The following LRP1B variants were observed in gnomAD, a reference collection of about 807,000 sequenced individuals.
LRP1B encodes low-density lipoprotein receptor-related protein 1B.
LRP1B carries 217 observed loss-of-function variants against 556.6 expected under a neutral mutation model. The observed-to-expected ratio is 0.39, with a 90% CI of 0.35 to 0.44. The LOEUF is 0.44. LRP1B is among the 20% of genes least tolerant of loss of function. The pLI, the probability that LRP1B is intolerant of heterozygous loss-of-function variation, is 1.00. For synonymous variants in LRP1B, 2,047 were observed against 1,865.8 expected (o/e 1.10, Z -2.50); for missense variants, 5,053 against 5,620.8 (o/e 0.90, Z 3.23).
intron 66 of LRP1B, among the ~76,000 whole-genome samples, chr2:140,398,811 T>C (rs910181150): frequency 2.6e-5 from 4 of 152,204 alleles, no homozygotes; most frequent in African/African-American, 9.7e-5. Context: ...TTATTATTTG[T>C]TTCCCTATAG....
chr2:141,477,117 C>T (rs963241920), intron 3 of LRP1B, among the ~76,000 whole-genome samples: 5 of 126,074 alleles, frequency 4.0e-5, no homozygotes, highest in African/African-American at 1.5e-4. Context: ...AGCGAAACTC[C>T]GTCTCAAAAA....
chr2:141,911,604 T>C (rs1434548839), intron 1 of LRP1B, among the ~76,000 whole-genome samples: 1 of 152,206 alleles, frequency 6.6e-6, no homozygotes. Flanking sequence ...CTACCATAGA[T>C]AATAAGTCCA....
intron 9 of LRP1B, among the ~76,000 whole-genome samples, chr2:141,058,368 C>G (rs1163922414): frequency 6.6e-6 from 1 of 151,740 alleles, no homozygotes; most frequent in Non-Finnish European, 1.5e-5. Flanking sequence ...TATTGATGAA[C>G]AGCATCACTA....
chr2:141,408,366 G>A (rs1462955005), intron 3 of LRP1B, among the ~76,000 whole-genome samples: 4 of 151,756 alleles, frequency 2.6e-5, no homozygotes, highest in Non-Finnish European at 4.4e-5. Flanking sequence ...GGATGGTCTC[G>A]ATCTCCTGAC....
chr2:141,967,182 C>T (rs1701589441), intron 1 of LRP1B, among the ~76,000 whole-genome samples: 1 of 151,834 alleles, frequency 6.6e-6, no homozygotes, highest in Admixed American at 6.6e-5. Flanking sequence ...TCTAATTTCT[C>T]TACATTCTGT....
chr2:140,586,274 CAT>C (rs1482433780), intron 43 of LRP1B, among the ~76,000 whole-genome samples: 1 of 152,140 alleles, frequency 6.6e-6, no homozygotes, highest in African/African-American at 2.4e-5. Context: ...CATTTTGTCT[CAT>C]ATATCTCAGA....
intron 69 of LRP1B, among the ~76,000 whole-genome samples, chr2:140,371,756 T>C (rs1444441714): frequency 6.6e-6 from 1 of 152,038 alleles, no homozygotes; most frequent in African/African-American, 2.4e-5. Context: ...AATCTTGGCA[T>C]GGTCTCACAG....
At chr2:141,586,177 G>A (rs1429132880) in intron 2 of LRP1B, among the ~76,000 whole-genome samples, 1 of 152,074 alleles carries the variant, frequency 6.6e-6, no homozygotes, top group Non-Finnish European at 1.5e-5. Flanking sequence ...GAATAGAAAT[G>A]CTTGACAGGT....
chr2:140,275,338 C>T (rs1273626882), intron 84 of LRP1B, among the ~76,000 whole-genome samples: 3 of 152,004 alleles, frequency 2.0e-5, no homozygotes, highest in African/African-American at 4.8e-5. Flanking sequence ...CTTCTTCTTC[C>T]CCTGGCCCTT....
At chr2:141,951,559 T>C (rs1701106256) in intron 1 of LRP1B, among the ~76,000 whole-genome samples, 1 of 152,196 alleles carries the variant, frequency 6.6e-6, no homozygotes, top group South Asian at 2.1e-4. Context: ...TTATGTTTTA[T>C]ACAGTTAGTA....
intron 1 of LRP1B, among the ~76,000 whole-genome samples, chr2:141,868,113 T>G (rs760774110): frequency 1.3e-5 from 2 of 152,148 alleles, no homozygotes; most frequent in African/African-American, 4.8e-5. Context: ...TAGAAATGCC[T>G]TCAAATACTT....
At chr2:140,368,686 T>C (rs1682866122) in intron 71 of LRP1B, among the ~76,000 whole-genome samples, 1 of 151,822 alleles carries the variant, frequency 6.6e-6, no homozygotes, top group Non-Finnish European at 1.5e-5. Flanking sequence ...ATATTCCAGT[T>C]CCCAACACTC....
At chr2:140,782,420 C>T (rs965696307) in intron 32 of LRP1B, among the ~76,000 whole-genome samples, 4 of 152,048 alleles carry the variant, frequency 2.6e-5, no homozygotes, top group Admixed American at 2.0e-4. Context: ...CACAGATATG[C>T]ACTGAGGAAA....
At chr2:141,575,543 A>G (rs1194930795) in intron 2 of LRP1B, among the ~76,000 whole-genome samples, 1 of 152,240 alleles carries the variant, frequency 6.6e-6, no homozygotes, top group African/African-American at 2.4e-5. Flanking sequence ...AGGCATGGGC[A>G]AAGACTTCAT....
chr2:140,483,761 C>G (rs1429661521), intron 59 of LRP1B, among the ~76,000 whole-genome samples: 1 of 150,274 alleles, frequency 6.7e-6, no homozygotes, highest in East Asian at 2.0e-4. Flanking sequence ...ATGCCTCAGT[C>G]TCCAAAGTAG....
intron 2 of LRP1B, among the ~76,000 whole-genome samples, chr2:141,745,966 T>C (rs995484054): frequency 2.6e-5 from 4 of 152,054 alleles, no homozygotes; most frequent in Admixed American, 2.6e-4. Context: ...AGGGTGTTTC[T>C]AAAAATGGTT....
intron 11 of LRP1B, among the ~76,000 whole-genome samples, chr2:141,024,247 T>C (rs566008079): frequency 8.1e-4 from 123 of 152,132 alleles, no homozygotes; most frequent in Non-Finnish European, 1.3e-4. Context: ...CTGTCCCTAA[T>C]GGCCAGCTGA....
chr2:140,749,298 T>C (rs569742934), intron 35 of LRP1B, among the ~76,000 whole-genome samples: 6 of 152,240 alleles, frequency 3.9e-5, no homozygotes, highest in African/African-American at 1.2e-4. Context: ...ACACTAAATT[T>C]ATTAAAAAAT....
chr2:140,858,780 T>C (rs1692697307), intron 27 of LRP1B, among the ~76,000 whole-genome samples: 2 of 152,046 alleles, frequency 1.3e-5, no homozygotes, highest in South Asian at 4.1e-4. Context: ...TTCCCCACCA[T>C]GTGTCCATGT....
Sources: gnomAD v4.1 joint callset for allele counts (sites outside exome capture counted in the v4.1 genomes callset) on GRCh38, gnomAD v4.1.1 for gene constraint, MANE v1.5 for transcripts, NCBI Gene and HGNC (gene_info 2026-07-23, HGNC 2026-07-21) for gene names.